CDC20B: variants seen among roughly 807,000 people sequenced by gnomAD.
CDC20B encodes cell division cycle protein 20 homolog B.
In CDC20B, 58 loss-of-function variants were observed where a neutral mutation model predicts 64.1. The observed-to-expected ratio is 0.90, with a 90% CI of 0.73 to 1.13. CDC20B has a LOEUF of 1.13. CDC20B is among the 50% of genes most tolerant of loss of function. The pLI, the probability that CDC20B is intolerant of heterozygous loss-of-function variation, is 0.00. For synonymous variants in CDC20B, 243 were observed against 230.6 expected, an observed-to-expected ratio of 1.05 and a Z score of -0.49; for missense variants, 597 against 633.0, an observed-to-expected ratio of 0.94 and a Z score of 0.61.
In CDC20B at chr5:55,113,180, CAAG is replaced by C. The variant is rs2111777263; in HGVS notation, c.*1035_*1037del. 6.6e-6 allele frequency: 1 copy of C among 152,296 alleles called. No homozygotes were observed. Among genetic ancestry groups the C allele is most frequent in the African/African-American group, 2.4e-5 (1 of 41,544 alleles). 9.4% of individuals were successfully genotyped at this position (152,296 alleles called of 1,614,324 possible). A position where few individuals can be genotyped will look rare whatever the true frequency, so the allele number is the denominator to read the frequency against. ...AAAGCTCCAATAAGGCAAGAAATCA[CAAG>C]ACTTAGCCAAAGTCTTAATATAGGA... On this transcript the variant is annotated 3_prime_UTR_variant, in exon 12 of 12. Coordinates refer to ENST00000381375, the MANE Select transcript of CDC20B (RefSeq NM_001170402.1).
chr5:55,117,855 C>G (rs1742659871), intron 11 of CDC20B, among the ~76,000 whole-genome samples: 1 of 152,160 alleles, frequency 6.6e-6, no homozygotes, highest in Non-Finnish European at 1.5e-5. Flanking sequence ...TGGCTCATAC[C>G]TATAATCCCA....
chr5:55,134,583 G>A (rs998073263), intron 5 of CDC20B, among the ~76,000 whole-genome samples: 3 of 152,100 alleles, frequency 2.0e-5, no homozygotes, highest in African/African-American at 7.2e-5. Context: ...GCAACACGGT[G>A]AAACCCTGTC....
intron 4 of CDC20B, 145 bp downstream of exon 4, chr5:55,143,368 T>A: frequency 1.3e-6 from 1 of 794,546 alleles, no homozygotes; most frequent in Non-Finnish European, 1.8e-6. Flanking sequence ...TCTATTCATA[T>A]CCTTCAATTA....
At chr5:55,163,479 G>T (rs973972068) in intron 2 of CDC20B, among the ~76,000 whole-genome samples, 2 of 151,996 alleles carry the variant, frequency 1.3e-5, no homozygotes, top group Non-Finnish European at 2.9e-5. Flanking sequence ...CCAGCAATTT[G>T]GGATTACAAC....
intron 2 of CDC20B, chr5:55,161,108 C>G (rs931937674): frequency 1.2e-6 from 2 of 1,614,044 alleles, no homozygotes; most frequent in African/African-American, 2.7e-5. Flanking sequence ...GTTGGCTTTT[C>G]CCTGCAATCA....
At chr5:55,132,655 C>G (rs1297685064) in intron 6 of CDC20B, among the ~76,000 whole-genome samples, 1 of 152,182 alleles carries the variant, frequency 6.6e-6, no homozygotes, top group African/African-American at 2.4e-5. Flanking sequence ...GTGCATTCTG[C>G]ATACTCTGCC....
intron 2 of CDC20B, among the ~76,000 whole-genome samples, chr5:55,149,718 G>C (rs955898830): frequency 2.6e-5 from 4 of 152,226 alleles, no homozygotes; most frequent in African/African-American, 9.6e-5. Flanking sequence ...AGGAAATGGG[G>C]AGCAACTGCT....
chr5:55,161,980 C>T (rs2111563774), intron 2 of CDC20B, among the ~76,000 whole-genome samples: 1 of 146,872 alleles, frequency 6.8e-6, no homozygotes, highest in African/African-American at 2.5e-5. Flanking sequence ...AATGGGCTAT[C>T]AATAGTACCG....
chr5:55,113,942 G>A lies in CDC20B; in HGVS notation c.*276C>T. ...TATAGATGTTATTCTGAATAAAGTA[G>A]TGAAAATGAATCTCTAGAAAGGGGT... On this transcript the variant is annotated 3_prime_UTR_variant, in exon 12 of 12. Transcript: ENST00000381375. 2.7e-6 allele frequency: 1 copy of A among 373,176 alleles called. No homozygotes were observed. Among genetic ancestry groups the A allele is most frequent in the South Asian group, 3.9e-5 (1 of 25,368 alleles). The allele number at this position is 373,176 out of a possible 1,614,324, so 23.1% of individuals were successfully genotyped here.
intron 11 of CDC20B, among the ~76,000 whole-genome samples, chr5:55,117,650 C>G (rs574696598): frequency 6.6e-6 from 1 of 152,208 alleles, no homozygotes; most frequent in South Asian, 2.1e-4. Flanking sequence ...AATTAAATAC[C>G]TAGGCCAGGG....
intron 9 of CDC20B, among the ~76,000 whole-genome samples, chr5:55,123,663 T>C (rs1030732484): frequency 6.6e-6 from 1 of 152,222 alleles, no homozygotes; most frequent in African/African-American, 2.4e-5. Flanking sequence ...CATTTAGTAG[T>C]TCACTGCATC....
chr5:55,168,983 G>T (rs1341762979), intron 2 of CDC20B, among the ~76,000 whole-genome samples: 1 of 151,944 alleles, frequency 6.6e-6, no homozygotes, highest in South Asian at 2.1e-4. Flanking sequence ...ATAAAATAAA[G>T]TTGGCATTTT....
chr5:55,128,671 T>C, intron 6 of CDC20B, 54 bp from the exon 7 acceptor site: 1 of 1,338,148 alleles, frequency 7.5e-7, no homozygotes, highest in East Asian at 2.7e-5. Context: ...TGAAAACATG[T>C]TCAAATAAAC....
intron 11 of CDC20B, 75 bp downstream of exon 11, chr5:55,119,726 C>A: frequency 1.1e-6 from 1 of 903,744 alleles, no homozygotes; most frequent in Non-Finnish European, 1.8e-6. Flanking sequence ...TAAAATCTTT[C>A]ATTCAGGGCT....
intron 5 of CDC20B, among the ~76,000 whole-genome samples, chr5:55,138,727 T>A (rs1743250319): frequency 7.0e-6 from 1 of 143,726 alleles, no homozygotes. Flanking sequence ...ATGAACAGGA[T>A]GCTGTAAAAA....
intron 3 of CDC20B, among the ~76,000 whole-genome samples, chr5:55,144,006 A>C (rs1240019344): frequency 6.6e-6 from 1 of 152,160 alleles, no homozygotes; most frequent in Non-Finnish European, 1.5e-5. Context: ...AAAAAAAAAA[A>C]AAAAACCAGA....
chr5:55,146,126 C>T (rs1743466604), intron 3 of CDC20B, among the ~76,000 whole-genome samples: 1 of 152,054 alleles, frequency 6.6e-6, no homozygotes, highest in African/African-American at 2.4e-5. Context: ...GGATGAGTCC[C>T]TACATCTCAA....
chr5:55,143,560 G>A lies in CDC20B; in HGVS notation c.439C>T (p.His147Tyr), dbSNP rs1743389274. The change falls in exon 4 of 12, where the codon CAT becomes TAT. Residue 147 changes from histidine (H) to tyrosine (Y), a missense_variant. Coordinates refer to ENST00000381375, the MANE Select transcript of CDC20B (RefSeq NM_001170402.1). ...TCTTTCCAGTCTCTGTCCATTGCAT[G>A]AGGTGCCTTGCAAAAATGGAGAGCA... ...NSALHFCKAP[H>Y]AMDRDWKESV... The A allele has an allele frequency of 4.3e-6, 7 of 1,611,368 alleles. No individual in the cohort carries two copies. Among genetic ancestry groups the A allele is most frequent in the Admixed American group, 1.7e-5 (1 of 59,726 alleles).
At chr5:55,132,819 C>G (rs1490446592) in intron 6 of CDC20B, among the ~76,000 whole-genome samples, 1 of 152,170 alleles carries the variant, frequency 6.6e-6, no homozygotes, top group Non-Finnish European at 1.5e-5. Flanking sequence ...TACCAACATC[C>G]TGCCTTCTTC....
Sources: gnomAD v4.1 joint callset for allele counts (sites outside exome capture counted in the v4.1 genomes callset) on GRCh38, gnomAD v4.1.1 for gene constraint, MANE v1.5 for transcripts, NCBI Gene and HGNC (gene_info 2026-07-23, HGNC 2026-07-21) for gene names.